The following PER3 variants were observed in gnomAD, a reference collection of about 807,000 sequenced individuals.
PER3 encodes the protein period circadian protein homolog 3.
A neutral mutation model predicts 127.2 loss-of-function variants in PER3; 107 were observed. The ratio of observed to expected loss-of-function variants is 0.84; its 90% CI spans 0.72 to 0.99. The LOEUF (loss-of-function observed/expected upper bound fraction) is 0.99, where lower values mean the gene tolerates loss of function less well. PER3 is among the 50% of genes least tolerant of loss of function. PER3 has a pLI of 0.00. For missense variants in PER3, 1,560 were observed against 1,525.8 expected (o/e 1.02, Z -0.37); for synonymous variants, 618 against 585.8 (o/e 1.05, Z -0.79).
intron 5 of PER3, among the ~76,000 whole-genome samples, chr1:7,791,577 C>T (rs116231375): frequency 0.043 from 6,552 of 152,314 alleles, 599 homozygotes; most frequent in East Asian, 0.27. Flanking sequence ...TAACATTTGG[C>T]TTCTTGTTAC....
rs984761388 is a variant in PER3, at chr1:7,829,846, G to A, written c.2899G>A (p.Gly967Ser). The A allele has an allele frequency of 3.1e-6, 5 of 1,613,492 alleles. No homozygotes were observed. In the African/African-American group the frequency reaches 5.3e-5, roughly 17 times the overall value. Residue 967 changes from glycine to serine, a missense_variant, in exon 19 of 22, where the codon GGC becomes AGC. Gly to Ser is a moderately conservative substitution (Grantham distance 56). This residue lies in a region of PER3 where 1,332 missense variants were observed against 1,223.6 expected (regional missense o/e 1.09). Transcript: ENST00000377532. ...CCTTACTTTCTAGCAGTGTGTTACA[G>A]GCAACAATGGCAGTGAGAGCAGTCC... Reference protein sequence around the residue: ...CPQTEYQCVTGNNGSESSPAT... With the variant: ...CPQTEYQCVTSNNGSESSPAT...
rs527877579 is a variant in PER3, at chr1:7,827,345, C to T, written c.2416C>T (p.Leu806Phe). ...AAMVPSQAPY[L>F]VPAFPLPAAT... ...CATGGTGCCCAGCCAGGCCCCTTACCTCGTCCCAGCTTTTCCCCTCCCAGC... is the reference window on the plus strand; with the variant it reads ...CATGGTGCCCAGCCAGGCCCCTTACTTCGTCCCAGCTTTTCCCCTCCCAGC... The change falls in exon 18 of 22, where the codon CTC becomes TTC. Residue 806 changes from leucine (L) to phenylalanine (F), a missense_variant. Physicochemically the swap from Leu to Phe is conservative, Grantham distance 22. This residue lies in a region of PER3 where 1,332 missense variants were observed against 1,223.6 expected (regional missense o/e 1.09). Coordinates refer to ENST00000377532, the MANE Select transcript of PER3 (RefSeq NM_001377275.1). 4.3e-6 allele frequency: 7 copies of T among 1,613,952 alleles called. No individual in the cohort carries two copies. The East Asian group carries it at 8.9e-5, about 21-fold the overall frequency.
intron 2 of PER3, 104 bp downstream of exon 2, chr1:7,785,109 G>A: frequency 7.7e-7 from 1 of 1,296,228 alleles, no homozygotes; most frequent in South Asian, 1.4e-5. Flanking sequence ...TTCAAGCCCA[G>A]GGGAAAGTGT....
intron 18 of PER3, among the ~76,000 whole-genome samples, chr1:7,828,173 G>C (rs1409798633): frequency 1.3e-5 from 2 of 152,158 alleles, no homozygotes; most frequent in Non-Finnish European, 2.9e-5. Flanking sequence ...ACTTACAACC[G>C]GGGTTATGGT....
rs12731471 is a variant in PER3, at chr1:7,844,639, C to T, written c.*1884C>T. 11,559 of 152,820 alleles carry T rather than the reference C, an allele frequency of 0.076. 667 individuals carry two copies. The highest frequency in any genetic ancestry group is 0.11 in the Non-Finnish European group (7,239 of 68,030). The allele number at this position is 152,820 out of a possible 1,614,324, so 9.5% of individuals were successfully genotyped here. A position where few individuals can be genotyped will look rare whatever the true frequency, so the allele number is the denominator to read the frequency against. On this transcript the variant is annotated 3_prime_UTR_variant, in exon 22 of 22. Coordinates refer to ENST00000377532, the MANE Select transcript of PER3 (RefSeq NM_001377275.1). ...GTGCTTATTTCTTTGCCTTAGCACACGTTTTATGGAGTACTTGTTATACTA... is the reference window on the plus strand; with the variant it reads ...GTGCTTATTTCTTTGCCTTAGCACATGTTTTATGGAGTACTTGTTATACTA...
chr1:7,803,681 AT>A lies in PER3; in HGVS notation c.980-7del. On this transcript the variant is annotated splice_polypyrimidine_tract_variant and intron_variant, in intron 9 of 21. Transcript: ENST00000377532. ...AAGTAAATCCTATTTTTGTCTTATT[AT>A]TTTATATAGTTTTGAAGTATGCAGG... The A allele has an allele frequency of 6.6e-7, 1 of 1,526,196 alleles. No individual in the cohort carries two copies. Among genetic ancestry groups the A allele is most frequent in the Non-Finnish European group, 9.0e-7 (1 of 1,113,584 alleles). 94.5% of individuals were successfully genotyped at this position (1,526,196 alleles called of 1,614,324 possible).
chr1:7,840,633 T>C (rs1233303519), intron 21 of PER3, among the ~76,000 whole-genome samples: 1 of 151,098 alleles, frequency 6.6e-6, no homozygotes, highest in Non-Finnish European at 1.5e-5. Flanking sequence ...TTTTTCTTTC[T>C]TTTTTTTAAG....
At chr1:7,790,670 CAT>C (rs2097115109) in intron 5 of PER3, among the ~76,000 whole-genome samples, 1 of 152,176 alleles carries the variant, frequency 6.6e-6, no homozygotes, top group African/African-American at 2.4e-5. Context: ...TCCAAAGTCT[CAT>C]ATGTGACAAA....
In PER3 at chr1:7,820,172, T is replaced by C; in HGVS notation, c.1716T>C (p.Asn572=). The change falls in exon 15 of 22, where the codon AAT becomes AAC. Residue 572 remains asparagine, a synonymous_variant. Coordinates refer to ENST00000377532, the MANE Select transcript of PER3 (RefSeq NM_001377275.1). The stretch of plus-strand genomic sequence containing the variant: ...AAAGAAAGTGTATCTCCTGTACAAA[T>C]ACAACTTCTTCCTCCTCAGAAGAAG... ...ALKRKCISCT[N]TTSSSSEEDK... 6.2e-7 allele frequency: 1 copy of C among 1,613,530 alleles called. No individual in the cohort carries two copies. The highest frequency in any genetic ancestry group is 8.5e-7 in the Non-Finnish European group (1 of 1,179,442).
rs2097132980 is a variant in PER3, at chr1:7,793,873, T to C, written c.593-84T>C. The C allele has an allele frequency of 7.1e-6, 8 of 1,130,816 alleles. No individual in the cohort carries two copies. In the South Asian group the frequency reaches 7.6e-5, roughly 11 times the overall value. The allele number at this position is 1,130,816 out of a possible 1,614,324, so 70.0% of individuals were successfully genotyped here. A position where few individuals can be genotyped will look rare whatever the true frequency, so the allele number is the denominator to read the frequency against. Reference sequence around the variant, plus strand: ...CCTCTCTCTCTTTTAAAAAATAGTTTGTTGTTTGATAATGGTGCAACATTG... The same window carrying C: ...CCTCTCTCTCTTTTAAAAAATAGTTCGTTGTTTGATAATGGTGCAACATTG... On this transcript the variant is annotated intron_variant, in intron 5 of 21. Transcript: ENST00000377532.
intron 13 of PER3, among the ~76,000 whole-genome samples, chr1:7,813,686 A>G (rs1012289090): frequency 6.6e-6 from 1 of 152,240 alleles, no homozygotes; most frequent in African/African-American, 2.4e-5. Flanking sequence ...AACCATTACA[A>G]TACTCAAACC....
At chr1:7,795,155 G>A (rs2097139858) in intron 6 of PER3, among the ~76,000 whole-genome samples, 1 of 152,090 alleles carries the variant, frequency 6.6e-6, no homozygotes, top group South Asian at 2.1e-4. Flanking sequence ...TGTTCCAGTG[G>A]GTCATTCACA....
At position 7,826,306 on chromosome 1, in the gene PER3, G is replaced by C. The variant is rs1350549094; in HGVS notation, c.1958-174G>C. On this transcript the variant is annotated intron_variant, in intron 16 of 21. Coordinates refer to ENST00000377532, the MANE Select transcript of PER3 (RefSeq NM_001377275.1). This position sits in a 1 kb window ranked among gnomAD's most constrained non-coding sequence, Gnocchi z 4.2. The stretch of plus-strand genomic sequence containing the variant: ...TAAAATGTATGTGCATTTGTGCAAA[G>C]AATATAAAGGAAGACAGAAAATGAA... 2.0e-5 allele frequency among the ~76,000 whole-genome samples: 3 copies of C among 152,112 alleles called. No homozygotes were observed. The highest frequency in any genetic ancestry group is 2.0e-4 in the Admixed American group (3 of 15,260).
chr1:7,816,094 GC>G, intron 13 of PER3, among the ~76,000 whole-genome samples: 1 of 150,896 alleles, frequency 6.6e-6, no homozygotes, highest in East Asian at 1.9e-4. Flanking sequence ...GAAATTTACA[GC>G]ACTGAGTGTT....
At chr1:7,807,268 C>T (rs187624041) in intron 10 of PER3, among the ~76,000 whole-genome samples, 2 of 152,232 alleles carry the variant, frequency 1.3e-5, no homozygotes, top group Admixed American at 1.3e-4. Flanking sequence ...GTGTACCTGA[C>T]GCCATGCAGA....
At position 7,803,681 on chromosome 1, in the gene PER3, A is replaced by G; in HGVS notation, c.980-11A>G. On this transcript the variant is annotated splice_polypyrimidine_tract_variant and intron_variant, in intron 9 of 21. Coordinates refer to ENST00000377532, the MANE Select transcript of PER3 (RefSeq NM_001377275.1). ...AAGTAAATCCTATTTTTGTCTTATT[A>G]TTTTATATAGTTTTGAAGTATGCAG... The G allele has an allele frequency of 6.6e-7, 1 of 1,526,200 alleles. No individual in the cohort carries two copies. Among genetic ancestry groups the G allele is most frequent in the Non-Finnish European group, 9.0e-7 (1 of 1,113,588 alleles). The allele number at this position is 1,526,200 out of a possible 1,614,324, so 94.5% of individuals were successfully genotyped here. A position where few individuals can be genotyped will look rare whatever the true frequency, so the allele number is the denominator to read the frequency against.
intron 18 of PER3, 32 bp from the exon 19 acceptor site, chr1:7,829,802 A>G: frequency 1.3e-6 from 2 of 1,541,092 alleles, no homozygotes; most frequent in South Asian, 2.2e-5. Flanking sequence ...TAAGAAGATT[A>G]AAGTGTCTTT....
At chr1:7,791,223 C>T (rs1164867083) in intron 5 of PER3, among the ~76,000 whole-genome samples, 1 of 152,196 alleles carries the variant, frequency 6.6e-6, no homozygotes, top group Non-Finnish European at 1.5e-5. Flanking sequence ...GCCTGGACAT[C>T]CAGGCATTTC....
intron 19 of PER3, among the ~76,000 whole-genome samples, chr1:7,833,842 C>T (rs1281292988): frequency 2.6e-5 from 4 of 151,912 alleles, no homozygotes; most frequent in African/African-American, 4.8e-5. Context: ...CTCCTCCTTT[C>T]GGGTTAATTG....
Sources: allele counts gnomAD v4.1 joint callset (sites outside exome capture counted in the v4.1 genomes callset), GRCh38; gene constraint gnomAD v4.1.1; regional missense constraint gnomAD v4.1.1; non-coding constraint Gnocchi (gnomAD v3.1); transcripts MANE v1.5; gene names NCBI Gene and HGNC (gene_info 2026-07-23, HGNC 2026-07-21).